The following RSF1 variants were observed in gnomAD, a reference collection of about 807,000 sequenced individuals.
The protein encoded by RSF1 is HBV pX-associated protein 8.
RSF1 carries 13 observed loss-of-function variants against 145.2 expected under a neutral mutation model. The ratio of observed to expected loss-of-function variants is 0.09; its 90% CI spans 0.06 to 0.14. The LOEUF (loss-of-function observed/expected upper bound fraction) is 0.14, where lower values mean the gene tolerates loss of function less well. Among genes scored for constraint, RSF1 ranks in the 10% least tolerant of loss-of-function variants. The pLI, the probability that RSF1 is intolerant of heterozygous loss-of-function variation, is 1.00. For synonymous variants in RSF1, 577 were observed against 592.6 expected, an observed-to-expected ratio of 0.97 and a Z score of 0.38; for missense variants, 1,517 against 1,718.2, an observed-to-expected ratio of 0.88 and a Z score of 2.07.
Position 77,701,925 on chromosome 11 carries a change from C to G in RSF1, c.1304G>C (p.Gly435Ala), listed in dbSNP as rs905088691. The G allele has an allele frequency of 3.1e-6, 5 of 1,613,588 alleles. No individual in the cohort carries two copies. Among genetic ancestry groups the G allele is most frequent in the Non-Finnish European group, 3.4e-6 (4 of 1,179,906 alleles). Residue 435 changes from glycine to alanine, a missense_variant, in exon 6 of 16, where the codon GGT becomes GCT. Gly to Ala is a moderately conservative substitution (Grantham distance 60, BLOSUM62 0). This residue lies in a region of RSF1 where 579 missense variants were observed against 553.5 expected (regional missense o/e 1.05). Transcript: ENST00000308488. The part of the protein sequence containing the change: ...CKRISTITAL[G>A]HEGKQLVNGE... ...ATTTACCAGCTGTTTCCCTTCATGA[C>G]CCAAAGCAGTGATTGTAGAGATCCT...
the RSF1 span, among the ~76,000 whole-genome samples, chr11:77,833,579 G>C: frequency 6.6e-6 from 1 of 152,218 alleles, no homozygotes; most frequent in Non-Finnish European, 1.5e-5. Flanking sequence ...GTGCAGCCCA[G>C]TTCCTAACAG....
At chr11:77,784,335 G>A (rs1030424223) in intron 1 of RSF1, among the ~76,000 whole-genome samples, 25 of 151,672 alleles carry the variant, frequency 1.6e-4, no homozygotes, top group Admixed American at 1.4e-3. Context: ...ATCTCTAGAA[G>A]TTCTATATGT....
intron 7 of RSF1, among the ~76,000 whole-genome samples, chr11:77,695,857 G>T (rs973173083): frequency 6.6e-6 from 1 of 152,072 alleles, no homozygotes; most frequent in Non-Finnish European, 1.5e-5. Flanking sequence ...AATAAACATG[G>T]AGTTCATGCT....
At chr11:77,833,009 A>ATATATAT in the RSF1 span, among the ~76,000 whole-genome samples, 1 of 60,036 alleles carries the variant, frequency 1.7e-5, no homozygotes, top group African/African-American at 7.0e-5. Context: ...ATATATATAT[A>ATATATAT]TTTTTTTTTT....
the RSF1 span, among the ~76,000 whole-genome samples, chr11:77,836,427 A>C: frequency 6.6e-6 from 1 of 152,114 alleles, no homozygotes; most frequent in African/African-American, 2.4e-5. Context: ...ATGTGAGAAA[A>C]CAGCAAAAGG....
intron 1 of RSF1, among the ~76,000 whole-genome samples, chr11:77,819,406 G>T (rs929919482): frequency 6.6e-6 from 1 of 152,250 alleles, no homozygotes; most frequent in African/African-American, 2.4e-5. Flanking sequence ...CACTCAGTGT[G>T]AAGGCTGGAG....
At chr11:77,757,912 T>C (rs1414023178) in intron 2 of RSF1, among the ~76,000 whole-genome samples, 4 of 152,112 alleles carry the variant, frequency 2.6e-5, no homozygotes, top group Admixed American at 2.6e-4. Flanking sequence ...GGGAGATTAC[T>C]TGAGCTCAGG....
intron 11 of RSF1, among the ~76,000 whole-genome samples, chr11:77,679,631 C>T (rs1959804114): frequency 6.6e-6 from 1 of 151,084 alleles, no homozygotes; most frequent in African/African-American, 2.4e-5. Context: ...CGAGAATGCA[C>T]CACTGCACTC....
the RSF1 span, among the ~76,000 whole-genome samples, chr11:77,840,570 A>G: frequency 6.6e-6 from 1 of 152,190 alleles, no homozygotes; most frequent in Non-Finnish European, 1.5e-5. Context: ...TTAGAAAAAT[A>G]AAATTCTAAT....
At chr11:77,694,097 A>T (rs1400683742) in intron 7 of RSF1, among the ~76,000 whole-genome samples, 1 of 152,146 alleles carries the variant, frequency 6.6e-6, no homozygotes, top group Non-Finnish European at 1.5e-5. Context: ...CTAATTTTTA[A>T]AAAAACCTAA....
At chr11:77,818,523 G>T (rs1948803591) in intron 1 of RSF1, among the ~76,000 whole-genome samples, 1 of 152,132 alleles carries the variant, frequency 6.6e-6, no homozygotes, top group African/African-American at 2.4e-5. Flanking sequence ...GGTGGCTCAC[G>T]CCTGTAAAGC....
At chr11:77,816,245 A>G (rs917743652) in intron 1 of RSF1, among the ~76,000 whole-genome samples, 3 of 152,174 alleles carry the variant, frequency 2.0e-5, no homozygotes, top group African/African-American at 7.2e-5. Context: ...GACTCATGCA[A>G]CCTCTAGTAC....
Position 77,764,585 on chromosome 11 carries a change from A to G in RSF1, c.279+13T>C. 6.9e-7 allele frequency: 1 copy of G among 1,459,364 alleles called. No individual in the cohort carries two copies. Among genetic ancestry groups the G allele is most frequent in the Non-Finnish European group, 9.6e-7 (1 of 1,043,606 alleles). 90.4% of individuals were successfully genotyped at this position (1,459,364 alleles called of 1,614,324 possible). A position where few individuals can be genotyped will look rare whatever the true frequency, so the allele number is the denominator to read the frequency against. ...TTCAGTAATAGAGCAGGAAATTTAC[A>G]AATACTAGTTACCTTGATCAAATAT... On this transcript the variant is annotated intron_variant, in intron 2 of 15. Coordinates refer to ENST00000308488, the MANE Select transcript of RSF1 (RefSeq NM_016578.4).
At chr11:77,852,766 C>A in the RSF1 span, among the ~76,000 whole-genome samples, 1 of 151,424 alleles carries the variant, frequency 6.6e-6, no homozygotes, top group African/African-American at 2.4e-5. Flanking sequence ...AATTTTTTTT[C>A]TTTTTTTCCC....
chr11:77,869,061 T>C, the RSF1 span: 1 of 318,832 alleles, frequency 3.1e-6, no homozygotes, highest in Non-Finnish European at 6.0e-6. Context: ...CAGTACCCAT[T>C]CCCTTGATGT....
At chr11:77,747,985 C>G (rs545027413) in intron 2 of RSF1, among the ~76,000 whole-genome samples, 3 of 152,118 alleles carry the variant, frequency 2.0e-5, no homozygotes, top group African/African-American at 7.2e-5. Flanking sequence ...TAACGAGGGC[C>G]AAAGGAGAAG....
intron 2 of RSF1, among the ~76,000 whole-genome samples, chr11:77,759,814 T>C (rs1239900329): frequency 1.3e-5 from 2 of 149,178 alleles, no homozygotes; most frequent in African/African-American, 5.0e-5. Flanking sequence ...TTCACCATTC[T>C]ATGATCCAGG....
the RSF1 span, among the ~76,000 whole-genome samples, chr11:77,854,649 T>C: frequency 6.6e-6 from 1 of 152,216 alleles, no homozygotes; most frequent in African/African-American, 2.4e-5. Context: ...CTCTGCAGGG[T>C]GCAACCCCTG....
chr11:77,727,809 T>C (rs1010457142), intron 4 of RSF1, among the ~76,000 whole-genome samples: 1 of 151,968 alleles, frequency 6.6e-6, no homozygotes, highest in Non-Finnish European at 1.5e-5. Context: ...AAAAAGGGAA[T>C]TTAGCATTAA....
Sources: gnomAD v4.1 joint callset for allele counts (sites outside exome capture counted in the v4.1 genomes callset) on GRCh38, gnomAD v4.1.1 for gene constraint, gnomAD v4.1.1 regional missense constraint, MANE v1.5 for transcripts, NCBI Gene and HGNC (gene_info 2026-07-23, HGNC 2026-07-21) for gene names.